The following FHIT variants were observed in gnomAD, a reference collection of about 807,000 sequenced individuals.
The protein encoded by FHIT is fragile histidine triad diadenosine triphosphatase.
FHIT carries 19 observed loss-of-function variants against 17.9 expected under a neutral mutation model. The observed-to-expected ratio is 1.06, with a 90% CI of 0.74 to 1.56. FHIT has a LOEUF of 1.56. FHIT is among the 40% of genes most tolerant of loss of function. The pLI, the probability that FHIT is intolerant of heterozygous loss-of-function variation, is 0.00. For missense variants in FHIT, 248 were observed against 189.2 expected, an observed-to-expected ratio of 1.31 and a Z score of -1.82; for synonymous variants, 81 against 69.7, an observed-to-expected ratio of 1.16 and a Z score of -0.81.
At chr3:60,118,943 C>T (rs896005568) in intron 5 of FHIT, among the ~76,000 whole-genome samples, 5 of 149,556 alleles carry the variant, frequency 3.3e-5, no homozygotes, top group East Asian at 4.3e-4. Flanking sequence ...ATCACTTAAA[C>T]GTGGGAGGCG....
At chr3:59,909,148 C>G (rs1434930920) in intron 8 of FHIT, among the ~76,000 whole-genome samples, 2 of 151,958 alleles carry the variant, frequency 1.3e-5, no homozygotes, top group Non-Finnish European at 2.9e-5. Flanking sequence ...ATTCTCCTGC[C>G]TCAGCCTCCT....
chr3:59,807,836 G>A (rs1012112254), intron 8 of FHIT, among the ~76,000 whole-genome samples: 18 of 152,286 alleles, frequency 1.2e-4, no homozygotes, highest in African/African-American at 3.6e-4. Flanking sequence ...CCGTGGAAAA[G>A]GAATTAAACT....
At chr3:60,708,974 T>C (rs945818575) in intron 4 of FHIT, among the ~76,000 whole-genome samples, 6 of 152,290 alleles carry the variant, frequency 3.9e-5, no homozygotes, top group South Asian at 2.1e-4. Flanking sequence ...TGGGTTTCTA[T>C]AGCGCATTGC....
chr3:60,583,512 G>A (rs2037813137), intron 4 of FHIT, among the ~76,000 whole-genome samples: 3 of 152,068 alleles, frequency 2.0e-5, no homozygotes, highest in Admixed American at 1.3e-4. Context: ...TGAACAAAAA[G>A]GGCAAGACTG....
At chr3:61,003,584 C>G (rs1213801485) in intron 3 of FHIT, among the ~76,000 whole-genome samples, 1 of 152,170 alleles carries the variant, frequency 6.6e-6, no homozygotes, top group Non-Finnish European at 1.5e-5. Context: ...TTCTCCAGTG[C>G]TTATCATTAA....
At position 61,032,659 on chromosome 3, in the gene FHIT, C is replaced by T. The variant is rs578252200; in HGVS notation, c.-111+9388G>A. Among the ~76,000 whole-genome samples the T allele has an allele frequency of 6.6e-5, 10 of 152,302 alleles. No homozygotes were observed. The South Asian group carries it at 1.9e-3, about 28-fold the overall frequency. ...CAATCAGCTTTGGGGAAAAGAAGATCCTCTCTGTTGCAAACAGAGCTAAAA... is the reference window on the plus strand; with the variant it reads ...CAATCAGCTTTGGGGAAAAGAAGATTCTCTCTGTTGCAAACAGAGCTAAAA... On this transcript the variant is annotated intron_variant, in intron 3 of 9. Coordinates refer to ENST00000492590, the MANE Select transcript of FHIT (RefSeq NM_002012.4).
At chr3:61,214,576 G>T (rs1436072492) in intron 1 of FHIT, among the ~76,000 whole-genome samples, 2 of 152,034 alleles carry the variant, frequency 1.3e-5, no homozygotes, top group Non-Finnish European at 2.9e-5. Context: ...TCTACCAGAG[G>T]TACAAGGAGG....
At chr3:60,117,588 A>T (rs1187783772) in intron 5 of FHIT, among the ~76,000 whole-genome samples, 1 of 151,170 alleles carries the variant, frequency 6.6e-6, no homozygotes, top group African/African-American at 2.4e-5. Flanking sequence ...GCTATGGTTA[A>T]TTGGGAAAAA....
chr3:59,799,673 T>C (rs1004797839), intron 8 of FHIT, among the ~76,000 whole-genome samples: 15 of 152,220 alleles, frequency 9.9e-5, no homozygotes, highest in African/African-American at 3.6e-4. Context: ...AGACCCTTTC[T>C]TCCATTTATT....
chr3:60,455,502 A>T (rs1275625573), intron 5 of FHIT, among the ~76,000 whole-genome samples: 1 of 152,192 alleles, frequency 6.6e-6, no homozygotes, highest in East Asian at 1.9e-4. Flanking sequence ...TAGTGTGAGG[A>T]TCAAAATGTG....
intron 5 of FHIT, among the ~76,000 whole-genome samples, chr3:60,452,294 T>A (rs769844779): frequency 1.3e-5 from 2 of 152,274 alleles, no homozygotes; most frequent in African/African-American, 4.8e-5. Flanking sequence ...GCGATTCATA[T>A]GCTTTATCTC....
intron 3 of FHIT, among the ~76,000 whole-genome samples, chr3:60,967,571 T>C (rs1169514833): frequency 1.3e-5 from 2 of 152,146 alleles, no homozygotes; most frequent in African/African-American, 4.8e-5. Flanking sequence ...TGAAATATGG[T>C]TTTGGAGTGC....
chr3:59,845,868 T>G (rs182954167), intron 8 of FHIT, among the ~76,000 whole-genome samples: 57 of 152,300 alleles, frequency 3.7e-4, no homozygotes, highest in African/African-American at 1.3e-3. Flanking sequence ...ATTTTTTATT[T>G]AAAGTCTATT....
intron 5 of FHIT, among the ~76,000 whole-genome samples, chr3:60,212,891 G>C (rs1437090483): frequency 6.6e-6 from 1 of 152,164 alleles, no homozygotes; most frequent in Non-Finnish European, 1.5e-5. Flanking sequence ...TTGTTCCTGA[G>C]GATGTTCCAA....
chr3:60,567,490 A>C (rs2037182151), intron 4 of FHIT, among the ~76,000 whole-genome samples: 4 of 152,216 alleles, frequency 2.6e-5, no homozygotes, highest in Admixed American at 2.6e-4. Flanking sequence ...TTAGACCTAA[A>C]ACCATAAAAA....
intron 3 of FHIT, among the ~76,000 whole-genome samples, chr3:60,826,149 G>A (rs1702105756): frequency 8.6e-6 from 1 of 116,694 alleles, no homozygotes; most frequent in Non-Finnish European, 1.8e-5. Context: ...AGGGATGAAT[G>A]GATGGAAGGA....
chr3:60,152,761 G>A (rs1486873513), intron 5 of FHIT, among the ~76,000 whole-genome samples: 13 of 152,160 alleles, frequency 8.5e-5, no homozygotes, highest in Non-Finnish European at 1.8e-4. Flanking sequence ...CCAGCAGGGT[G>A]TAAGAATGCC....
chr3:59,949,705 T>A (rs998338589), intron 7 of FHIT, among the ~76,000 whole-genome samples: 2 of 152,204 alleles, frequency 1.3e-5, no homozygotes, highest in Non-Finnish European at 2.9e-5. Flanking sequence ...GGGGCTCACA[T>A]TTGGCTAATT....
chr3:61,206,768 G>A (rs927096277), intron 1 of FHIT, among the ~76,000 whole-genome samples: 4 of 151,996 alleles, frequency 2.6e-5, no homozygotes, highest in Middle Eastern at 3.4e-3. Context: ...CTGCAAACAG[G>A]GACAATTTGA....
Sources: gnomAD v4.1 joint callset for allele counts (sites outside exome capture counted in the v4.1 genomes callset) on GRCh38, gnomAD v4.1.1 for gene constraint, MANE v1.5 for transcripts, NCBI Gene and HGNC (gene_info 2026-07-23, HGNC 2026-07-21) for gene names.